PRORP: variants seen among roughly 807,000 people sequenced by gnomAD.
PRORP encodes protein only RNase P catalytic subunit.
In PRORP, 51 loss-of-function variants were observed where a neutral mutation model predicts 59.4. That is an observed-to-expected ratio of 0.86 (90% CI 0.69 to 1.08). The LOEUF (loss-of-function observed/expected upper bound fraction) is 1.08, where lower values mean the gene tolerates loss of function less well. PRORP is among the 50% of genes least tolerant of loss of function. PRORP has a pLI of 0.00. For missense variants in PRORP, 646 were observed against 690.3 expected (o/e 0.94, Z 0.72); for synonymous variants, 231 against 245.6 (o/e 0.94, Z 0.55).
chr14:35,140,088 T>C (rs2047450333), intron 4 of PRORP, among the ~76,000 whole-genome samples: 1 of 145,922 alleles, frequency 6.9e-6, no homozygotes, highest in African/African-American at 2.4e-5. Flanking sequence ...AAAGACCCTC[T>C]TTCTACATTC....
intron 5 of PRORP, among the ~76,000 whole-genome samples, chr14:35,187,784 C>T (rs2139069169): frequency 6.6e-6 from 1 of 151,810 alleles, no homozygotes; most frequent in South Asian, 2.1e-4. Flanking sequence ...GTTGAATATC[C>T]TTTAATATAT....
intron 5 of PRORP, among the ~76,000 whole-genome samples, chr14:35,196,598 TGAG>T (rs1456200501): frequency 2.0e-5 from 3 of 152,178 alleles, no homozygotes; most frequent in African/African-American, 4.8e-5. Flanking sequence ...ATAAGTGACT[TGAG>T]GAAACAAATT....
At chr14:35,151,551 T>A (rs2047746815) in intron 4 of PRORP, among the ~76,000 whole-genome samples, 1 of 151,748 alleles carries the variant, frequency 6.6e-6, no homozygotes, top group Non-Finnish European at 1.5e-5. Flanking sequence ...TTCCTTCATA[T>A]CCCCATTCTA....
chr14:35,179,071 CA>C (rs762507950), intron 4 of PRORP, among the ~76,000 whole-genome samples: 2 of 152,192 alleles, frequency 1.3e-5, no homozygotes, highest in South Asian at 4.1e-4. Flanking sequence ...TATTGGCCCC[CA>C]CTCTCTTCTG....
chr14:35,262,343 CAA>C (rs1264840091), intron 5 of PRORP: 8 of 302,434 alleles, frequency 2.6e-5, no homozygotes, highest in Middle Eastern at 1.2e-3. Context: ...ATCCATGAAT[CAA>C]AGTTTACTAG....
intron 2 of PRORP, among the ~76,000 whole-genome samples, chr14:35,125,854 A>G (rs777776470): frequency 1.3e-5 from 2 of 152,156 alleles, no homozygotes; most frequent in Non-Finnish European, 2.9e-5. Context: ...CCCTGTCTCT[A>G]CAAATAATAC....
intron 4 of PRORP, among the ~76,000 whole-genome samples, chr14:35,161,265 T>A (rs1380675065): frequency 6.6e-6 from 1 of 152,232 alleles, no homozygotes; most frequent in Non-Finnish European, 1.5e-5. Flanking sequence ...TTAATTTTCT[T>A]GAGTCCTTAC....
chr14:35,139,943 C>T (rs946503743), intron 4 of PRORP, among the ~76,000 whole-genome samples: 2 of 145,558 alleles, frequency 1.4e-5, no homozygotes, highest in African/African-American at 4.9e-5. Context: ...TGCATCACTC[C>T]ATTCTCTGCG....
At chr14:35,270,972 A>G (rs990712857) in intron 7 of PRORP, among the ~76,000 whole-genome samples, 2 of 151,712 alleles carry the variant, frequency 1.3e-5, no homozygotes, top group East Asian at 4.0e-4. Context: ...CTGTAATCCC[A>G]GCTACTTGGG....
chr14:35,231,636 G>A (rs1214357799), intron 5 of PRORP, among the ~76,000 whole-genome samples: 1 of 152,152 alleles, frequency 6.6e-6, no homozygotes, highest in African/African-American at 2.4e-5. Flanking sequence ...ATGAATTGGA[G>A]TAGTCATAGT....
chr14:35,211,447 A>G (rs1053507385), intron 5 of PRORP, among the ~76,000 whole-genome samples: 1 of 152,126 alleles, frequency 6.6e-6, no homozygotes, highest in Non-Finnish European at 1.5e-5. Context: ...AGAATGAATG[A>G]TTCTTGTTTT....
Position 35,141,259 on chromosome 14 carries a change from GTTTGT to G in PRORP, c.1167+13662_1167+13666del, listed in dbSNP as rs2047474802. Among the ~76,000 whole-genome samples, 2 of 131,674 alleles carry G rather than the reference GTTTGT, an allele frequency of 1.5e-5. 1 individual carries two copies. Among genetic ancestry groups the G allele is most frequent in the Non-Finnish European group, 3.3e-5 (2 of 60,176 alleles). 86.4% of individuals were successfully genotyped at this position (131,674 alleles called of 152,430 possible). ...TTTCTTTTTTTTTTTGTTTTTGTTT[GTTTGT>G]TTTGTTTTGTTTTTTGAGACAAGTT... On this transcript the variant is annotated intron_variant, in intron 4 of 7. Transcript: ENST00000534898.
intron 4 of PRORP, among the ~76,000 whole-genome samples, chr14:35,142,911 G>A (rs1412535409): frequency 6.9e-6 from 1 of 144,934 alleles, no homozygotes; most frequent in Non-Finnish European, 1.5e-5. Flanking sequence ...GATGCCCTGA[G>A]CTCAAGTGAT....
chr14:35,249,237 G>C (rs2050555091), intron 5 of PRORP, among the ~76,000 whole-genome samples: 1 of 152,096 alleles, frequency 6.6e-6, no homozygotes, highest in African/African-American at 2.4e-5. Flanking sequence ...ATTAATTCCA[G>C]TTCAAGCCCC....
intron 4 of PRORP, among the ~76,000 whole-genome samples, chr14:35,177,364 G>A (rs10220337): frequency 0.03 from 4,512 of 152,086 alleles, 198 homozygotes; most frequent in African/African-American, 0.098. Context: ...CTGTGAATCC[G>A]TCTGGTCCTG....
chr14:35,265,502 G>A (rs2051016311), intron 5 of PRORP, among the ~76,000 whole-genome samples: 3 of 152,172 alleles, frequency 2.0e-5, no homozygotes. Flanking sequence ...CTAGACCTTT[G>A]AGGAGTTCAT....
chr14:35,172,413 T>TTCCTTCCTTCCTTCCTTCCTTCC (rs2048332703), intron 4 of PRORP, among the ~76,000 whole-genome samples: 56 of 77,584 alleles, frequency 7.2e-4, no homozygotes, highest in African/African-American at 2.2e-3. Flanking sequence ...GGTTTCTTTC[T>TTCCTTCCTTCCTTCCTTCCTTCC]TTCCTTCCTT....
At chr14:35,203,672 G>A (rs2049215902) in intron 5 of PRORP, among the ~76,000 whole-genome samples, 1 of 152,124 alleles carries the variant, frequency 6.6e-6, no homozygotes, top group Admixed American at 6.6e-5. Flanking sequence ...AGACCATCCT[G>A]GCTAACACAG....
At chr14:35,252,403 A>G (rs139302519) in intron 5 of PRORP, among the ~76,000 whole-genome samples, 89 of 152,332 alleles carry the variant, frequency 5.8e-4, no homozygotes, top group African/African-American at 2.1e-3. Flanking sequence ...TCCAGCCTGG[A>G]TGGCAGAGTG....
Sources: allele counts gnomAD v4.1 joint callset (sites outside exome capture counted in the v4.1 genomes callset), GRCh38; gene constraint gnomAD v4.1.1; transcripts MANE v1.5; gene names NCBI Gene and HGNC (gene_info 2026-07-23, HGNC 2026-07-21).